Variants in SULF2 observed in about 807,000 individuals in gnomAD.
SULF2 encodes the protein extracellular sulfatase Sulf-2.
A neutral mutation model predicts 107.7 loss-of-function variants in SULF2; 52 were observed. That is an observed-to-expected ratio of 0.48 (90% CI 0.39 to 0.61). SULF2 has a LOEUF of 0.61. SULF2 is among the 20% of genes least tolerant of loss of function. The pLI is 0.00. For missense variants in SULF2, 993 were observed against 1,177.3 expected, an observed-to-expected ratio of 0.84 and a Z score of 2.29; for synonymous variants, 460 against 464.3, an observed-to-expected ratio of 0.99 and a Z score of 0.12.
At chr20:47,779,902 CAG>C (rs1367352996) in intron 1 of SULF2, among the ~76,000 whole-genome samples, 1 of 152,084 alleles carries the variant, frequency 6.6e-6, no homozygotes, top group Non-Finnish European at 1.5e-5. Flanking sequence ...CCACCGCGTC[CAG>C]ACAGTTATCC....
intron 2 of SULF2, among the ~76,000 whole-genome samples, chr20:47,748,291 G>A (rs531292458): frequency 1.0e-3 from 153 of 152,292 alleles, no homozygotes; most frequent in African/African-American, 3.5e-3. Context: ...GCTTCTGCCT[G>A]CAGTGCTCCT....
chr20:47,736,641 C>T, intron 3 of SULF2, 62 bp downstream of exon 3: 2 of 1,601,368 alleles, frequency 1.2e-6, no homozygotes, highest in Non-Finnish European at 1.7e-6. Flanking sequence ...GTGCAGACCA[C>T]ACCTAGGGAC....
intron 1 of SULF2, among the ~76,000 whole-genome samples, chr20:47,758,326 C>T (rs376322174): frequency 1.1e-4 from 17 of 152,108 alleles, no homozygotes; most frequent in South Asian, 4.2e-4. Flanking sequence ...CCTGCCACCA[C>T]GCCCGGCTAA....
intron 10 of SULF2, among the ~76,000 whole-genome samples, chr20:47,675,677 C>A (rs2087616046): frequency 6.6e-6 from 1 of 152,110 alleles, no homozygotes; most frequent in African/African-American, 2.4e-5. Context: ...ACAGGCAGGG[C>A]AGGGACACAC....
chr20:47,770,553 C>T, intron 1 of SULF2, among the ~76,000 whole-genome samples: 1 of 152,166 alleles, frequency 6.6e-6, no homozygotes, highest in East Asian at 1.9e-4. Context: ...TGGCTGAATG[C>T]TCCAGTTACT....
rs748477587 is a variant in SULF2 at position 47,677,427 on chromosome 20, TGTGC to T, written c.1194-297_1194-294del. Reference sequence around the variant, plus strand: ...GTGTGTGTGTGTGTGTGTGTGTGTGTGTGCGCGCACACACATCTCAAGCCCCTCC... The same window carrying T: ...GTGTGTGTGTGTGTGTGTGTGTGTGTGCGCACACACATCTCAAGCCCCTCC... On this transcript the variant is annotated intron_variant, in intron 8 of 20. Transcript: ENST00000688720. Among the ~76,000 whole-genome samples, 141 of 142,058 alleles carry T rather than the reference TGTGC, an allele frequency of 9.9e-4. 1 individual carries two copies. Among genetic ancestry groups the T allele is most frequent in the African/African-American group, 1.7e-3 (65 of 37,288 alleles). The allele number at this position is 142,058 out of a possible 152,430, so 93.2% of individuals were successfully genotyped here.
chr20:47,677,935 G>GGAA (rs2087703967), intron 8 of SULF2: 2 of 152,320 alleles, frequency 1.3e-5, no homozygotes, highest in African/African-American at 4.8e-5. Flanking sequence ...AGGCCACAGG[G>GGAA]GAAGGGCTCC....
intron 6 of SULF2, 124 bp from the exon 7 acceptor site, chr20:47,683,293 C>G: frequency 1.0e-6 from 1 of 980,310 alleles, no homozygotes; most frequent in South Asian, 2.0e-5. Flanking sequence ...CTTTGCTCAA[C>G]TTTCCCAGGG....
chr20:47,785,570 C>A (rs1306412890), upstream of SULF2: 1 of 145,884 alleles, frequency 6.9e-6, no homozygotes, highest in African/African-American at 2.5e-5. Context: ...CCTCCCCGCG[C>A]GCCGCCCCAG....
intron 1 of SULF2, among the ~76,000 whole-genome samples, chr20:47,774,206 T>C (rs552656385): frequency 6.6e-6 from 1 of 152,340 alleles, no homozygotes; most frequent in African/African-American, 2.4e-5. Flanking sequence ...TGCAATCTAA[T>C]TAGCAGCCGG....
chr20:47,740,306 C>T (rs2089847264), intron 2 of SULF2, among the ~76,000 whole-genome samples: 1 of 152,184 alleles, frequency 6.6e-6, no homozygotes, highest in South Asian at 2.1e-4. Flanking sequence ...GTTTCACGTT[C>T]ACAAAATGTC....
intron 3 of SULF2, among the ~76,000 whole-genome samples, chr20:47,731,060 T>C (rs1465457590): frequency 6.6e-6 from 1 of 152,090 alleles, no homozygotes; most frequent in African/African-American, 2.4e-5. Context: ...TCCTGCCAGA[T>C]GTGGACAAGG....
chr20:47,716,927 T>C (rs2089139687), intron 3 of SULF2, among the ~76,000 whole-genome samples: 1 of 152,144 alleles, frequency 6.6e-6, no homozygotes. Context: ...GCAGGATCAC[T>C]TGGACCCAGG....
intron 3 of SULF2, among the ~76,000 whole-genome samples, chr20:47,725,068 T>A (rs1009779999): frequency 6.6e-6 from 1 of 152,144 alleles, no homozygotes; most frequent in Admixed American, 6.5e-5. Flanking sequence ...CACAACACAG[T>A]AGTCAGGCAG....
At position 47,664,199 on chromosome 20, in the gene SULF2, A is replaced by C. The variant is rs1602582780; in HGVS notation, c.1998-10T>G. The C allele has an allele frequency of 3.1e-6, 5 of 1,607,132 alleles. No homozygotes were observed. The highest frequency in any genetic ancestry group is 1.3e-5 in the African/African-American group (1 of 74,582). ...GTGCTGGGTGTGGTAGCTGTAACAG[A>C]CCCCCCCAGCCCCAGGCTTCAGGAG... On this transcript the variant is annotated splice_polypyrimidine_tract_variant and intron_variant, in intron 14 of 20. Coordinates refer to ENST00000688720, the MANE Select transcript of SULF2 (RefSeq NM_001387048.1).
chr20:47,698,583 G>A (rs941071779), intron 4 of SULF2, among the ~76,000 whole-genome samples: 3 of 152,154 alleles, frequency 2.0e-5, no homozygotes, highest in African/African-American at 7.2e-5. Flanking sequence ...TCAACTCCTT[G>A]GGGGTTCATT....
intron 1 of SULF2, among the ~76,000 whole-genome samples, chr20:47,769,342 A>G (rs1338044628): frequency 2.0e-5 from 3 of 148,676 alleles, no homozygotes; most frequent in African/African-American, 7.4e-5. Flanking sequence ...GCCCGGCCAC[A>G]CCTGCCTAAT....
intron 1 of SULF2, among the ~76,000 whole-genome samples, chr20:47,770,147 A>G (rs989725721): frequency 3.6e-5 from 5 of 137,202 alleles, no homozygotes; most frequent in African/African-American, 5.6e-5. Flanking sequence ...TGCAACCTCC[A>G]TTTCCCAGGC....
rs2087931973 is a variant in SULF2, at chr20:47,684,492, G to T, written c.827C>A (p.Thr276Asn). 2 of 1,613,996 alleles carry T rather than the reference G, an allele frequency of 1.2e-6. No individual in the cohort carries two copies. Among genetic ancestry groups the T allele is most frequent in the Non-Finnish European group, 1.7e-6 (2 of 1,179,992 alleles). ...GPMKPIHMEF[T>N]NMLQRKRLQT... is the part of the protein sequence containing the mutation. ...CAAGCGCTTCCGCTGGAGCATGTTG[G>T]TGAATTCCATGTGGATGGGCTTCAT... Residue 276 changes from threonine to asparagine, a missense_variant, in exon 6 of 21, where the codon ACC becomes AAC. Coordinates refer to ENST00000688720, the MANE Select transcript of SULF2 (RefSeq NM_001387048.1).
Sources: gnomAD v4.1 joint callset for allele counts (sites outside exome capture counted in the v4.1 genomes callset) on GRCh38, gnomAD v4.1.1 for gene constraint, MANE v1.5 for transcripts, NCBI Gene and HGNC (gene_info 2026-07-23, HGNC 2026-07-21) for gene names.